Variants in IKBKE observed in about 807,000 individuals in gnomAD.
IKBKE encodes the protein inhibitor of nuclear factor kappa-B kinase subunit epsilon.
Under a neutral mutation model 92.1 loss-of-function variants are expected in IKBKE, and 45 were observed. The observed-to-expected ratio is 0.49, with a 90% confidence interval of 0.38 to 0.63. IKBKE has a LOEUF of 0.63. Ranked by LOEUF, IKBKE falls within the 20% of genes least tolerant of loss-of-function variation. The probability of loss-of-function intolerance (pLI) is 0.00; values close to 1 mark genes in which losing one functional copy is unlikely to be tolerated. For synonymous variants in IKBKE, 374 were observed against 380.3 expected, an observed-to-expected ratio of 0.98 and a Z score of 0.19; for missense variants, 700 against 932.8, an observed-to-expected ratio of 0.75 and a Z score of 3.25.
At chr1:206,475,695 C>A (rs1314494938) in intron 5 of IKBKE, among the ~76,000 whole-genome samples, 1 of 147,852 alleles carries the variant, frequency 6.8e-6, no homozygotes, top group African/African-American at 2.6e-5. Flanking sequence ...TGAGATTGCA[C>A]CACTGTACTC....
At position 206,478,319 on chromosome 1, in the gene IKBKE, CTA is replaced by C; in HGVS notation, c.976_977del (p.Ile326ProfsTer29). On this transcript the variant is annotated frameshift_variant, in exon 9 of 22. Coordinates refer to ENST00000581977, the MANE Select transcript of IKBKE (RefSeq NM_014002.4). LOFTEE classifies it high-confidence loss of function. This position sits in a 1 kb window ranked among gnomAD's most constrained non-coding sequence, Gnocchi z 4.8. ...TGTCCCAGGCAGTCCTGCACCACATCTATATCCATGCCCACAACACGTAAGTG... is the reference window on the plus strand; with the variant it reads ...TGTCCCAGGCAGTCCTGCACCACATCTATCCATGCCCACAACACGTAAGTG... Reference protein sequence around the residue: ...SLSQAVLHHIYIHAHNTIAIF... With the variant: ...SLSQAVLHHIXIHAHNTIAIF... 1 of 1,613,728 alleles carries C rather than the reference CTA, an allele frequency of 6.2e-7. No homozygotes were observed. The highest frequency in any genetic ancestry group is 8.5e-7 in the Non-Finnish European group (1 of 1,180,028).
At chr1:206,491,224 C>T in intron 17 of IKBKE, 1 of 391,402 alleles carries the variant, frequency 2.6e-6, no homozygotes, top group Non-Finnish European at 4.7e-6. Context: ...CCCGGACACA[C>T]TCACGTCCAG....
intron 18 of IKBKE, chr1:206,492,779 T>C: frequency 1.6e-6 from 1 of 624,852 alleles, no homozygotes; most frequent in Non-Finnish European, 3.1e-6. Flanking sequence ...GCCACATGCA[T>C]GTTGTTGGTG....
At chr1:206,483,129 C>T (rs1478721622) in intron 13 of IKBKE, among the ~76,000 whole-genome samples, 2 of 152,282 alleles carry the variant, frequency 1.3e-5, no homozygotes, top group African/African-American at 4.8e-5. Context: ...CCAGCCCCGC[C>T]ACCAGGCAAG....
rs41296036 is a variant in IKBKE, at chr1:206,476,953, C to T, written c.701+115C>T. ...CACACTCCATGGCCCTCCTCTGGTC[C>T]ACCCCCCAACCCAGGCTCTTTGTAG... On this transcript the variant is annotated intron_variant, in intron 7 of 21. Transcript: ENST00000581977. The surrounding 1 kb of genome is among the most constrained non-coding windows in gnomAD (Gnocchi z 5.1). 23,530 of 1,122,862 alleles carry T rather than the reference C, an allele frequency of 0.021. 415 individuals carry two copies. The highest frequency in any genetic ancestry group is 0.052 in the South Asian group (3,498 of 67,484). 69.6% of individuals were successfully genotyped at this position (1,122,862 alleles called of 1,614,324 possible).
At chr1:206,491,106 C>CTT in intron 17 of IKBKE, 2 of 543,214 alleles carry the variant, frequency 3.7e-6, no homozygotes, top group Non-Finnish European at 6.6e-6. Context: ...TGTTTGCAGG[C>CTT]TTTTTTTTTC....
At position 206,476,427 on chromosome 1, in the gene IKBKE, A is replaced by G; in HGVS notation, c.540+65A>G. ...GCTCCCCTTGCCTTGTGAGCCCCCC[A>G]GAGCCCCCATGAGGGGGTGTGGCCC... On this transcript the variant is annotated intron_variant, in intron 6 of 21. Transcript: ENST00000581977. This position sits in a 1 kb window ranked among gnomAD's most constrained non-coding sequence, Gnocchi z 5.1. 1 of 1,515,958 alleles carries G rather than the reference A, an allele frequency of 6.6e-7. No individual in the cohort carries two copies. The highest frequency in any genetic ancestry group is 9.0e-7 in the Non-Finnish European group (1 of 1,110,510). The allele number at this position is 1,515,958 out of a possible 1,614,324, so 93.9% of individuals were successfully genotyped here.
chr1:206,495,184 G>A (rs1035973112), intron 21 of IKBKE, among the ~76,000 whole-genome samples: 2 of 152,006 alleles, frequency 1.3e-5, no homozygotes, highest in African/African-American at 4.8e-5. Flanking sequence ...TCATTTTCCT[G>A]TCTGAGAACC....
chr1:206,484,276 C>T (rs564788229), intron 13 of IKBKE, among the ~76,000 whole-genome samples: 3 of 152,316 alleles, frequency 2.0e-5, no homozygotes, highest in Non-Finnish European at 4.4e-5. Context: ...CAGGCATGAA[C>T]CACTGTGCCA....
Position 206,487,912 on chromosome 1 carries a change from A to G in IKBKE, c.1617-2A>G, listed in dbSNP as rs2103477139. The G allele has an allele frequency of 6.2e-7, 1 of 1,613,018 alleles. No homozygotes were observed. The highest frequency in any genetic ancestry group is 1.1e-5 in the South Asian group (1 of 90,842). On this transcript the variant is annotated splice_acceptor_variant, in intron 15 of 21. Transcript: ENST00000581977. LOFTEE classifies it high-confidence loss of function. This position sits in a 1 kb window ranked among gnomAD's most constrained non-coding sequence, Gnocchi z 5.3. ...CACCTGGTCCCTGTCTCCTGCCCAC[A>G]GCATCCAGCAGATTCAGTGCTGTTT... is the stretch of plus-strand genomic sequence containing the variant.
Position 206,476,773 on chromosome 1 carries a change from C to A in IKBKE, c.636C>A (p.Tyr212Ter), listed in dbSNP as rs2103456046. 6.2e-7 allele frequency: 1 copy of A among 1,614,228 alleles called. No homozygotes were observed. Among genetic ancestry groups the A allele is most frequent in the Middle Eastern group, 1.6e-4 (1 of 6,062 alleles). ...VDLWSIGVTLYHAATGSLPFI... is the reference protein window; with the variant it reads ...VDLWSIGVTL Reference sequence around the variant, plus strand: ...TCTGGAGCATTGGAGTGACCTTGTACCATGCAGCCACTGGCAGCCTGCCCT... The same window carrying A: ...TCTGGAGCATTGGAGTGACCTTGTAACATGCAGCCACTGGCAGCCTGCCCT... The change falls in exon 7 of 22, where the codon TAC (tyrosine) becomes TAA (stop). Residue 212 changes from tyrosine (Y) to a stop codon, truncating the protein, a stop_gained. Transcript: ENST00000581977. LOFTEE classifies it high-confidence loss of function. The surrounding 1 kb of genome is among the most constrained non-coding windows in gnomAD (Gnocchi z 5.1).
rs573225464 is a variant in IKBKE at position 206,471,140 on chromosome 1, C to T, written c.-122-16C>T. ...CTGAGGGGCGCCTCTCATCCGCCCT[C>T]CTCTTTCCGGTGTAGCTCAGCTCCT... On this transcript the variant is annotated splice_polypyrimidine_tract_variant and intron_variant, in intron 1 of 21. Coordinates refer to ENST00000581977, the MANE Select transcript of IKBKE (RefSeq NM_014002.4). 4.6e-5 allele frequency: 7 copies of T among 152,482 alleles called. No homozygotes were observed. In the East Asian group the frequency reaches 5.8e-4, roughly 13 times the overall value. The allele number at this position is 152,482 out of a possible 1,614,324, so 9.4% of individuals were successfully genotyped here. A position where few individuals can be genotyped will look rare whatever the true frequency, so the allele number is the denominator to read the frequency against.
intron 18 of IKBKE, chr1:206,492,310 GCCTGTGTGAACACTGGCC>G: frequency 2.5e-6 from 1 of 395,578 alleles, no homozygotes. Context: ...TCCATCCCCT[GCCTGTGTGAACACTGGCC>G]CCTCCTGAGA....
chr1:206,481,771 T>G (rs1665408012), intron 13 of IKBKE, among the ~76,000 whole-genome samples: 1 of 69,440 alleles, frequency 1.4e-5, no homozygotes, highest in Non-Finnish European at 2.8e-5. Flanking sequence ...TGAGGCTTTT[T>G]TTTTTTTTTT....
chr1:206,472,611 A>T (rs1553384101), intron 2 of IKBKE, among the ~76,000 whole-genome samples: 1 of 149,368 alleles, frequency 6.7e-6, no homozygotes, highest in African/African-American at 2.5e-5. Context: ...ACACACACAC[A>T]CTCTGAAGCA....
chr1:206,486,348 C>T (rs890844711), intron 15 of IKBKE, among the ~76,000 whole-genome samples: 1 of 152,048 alleles, frequency 6.6e-6, no homozygotes, highest in Non-Finnish European at 1.5e-5. Context: ...GGCTGCAGAT[C>T]TGAGGCCCTG....
chr1:206,477,512 G>C (rs1185153350), intron 7 of IKBKE, among the ~76,000 whole-genome samples: 2 of 151,884 alleles, frequency 1.3e-5, no homozygotes, highest in Admixed American at 6.5e-5. Context: ...AGTGTAGCGG[G>C]GGGAGAGGCA....
intron 12 of IKBKE, 58 bp from the exon 13 acceptor site, chr1:206,480,389 A>G: frequency 7.2e-7 from 1 of 1,387,926 alleles, no homozygotes; most frequent in South Asian, 1.2e-5. Context: ...TGCTGTCTGC[A>G]TGCACGGTGC....
rs373547348 is a variant in IKBKE, at chr1:206,472,776, AC to A, written c.-32-417del. 678 of 219,102 alleles carry A rather than the reference AC, an allele frequency of 3.1e-3. 3 individuals carry two copies. The highest frequency in any genetic ancestry group is 0.015 in the African/African-American group (636 of 41,858). 13.6% of individuals were successfully genotyped at this position (219,102 alleles called of 1,614,324 possible). ...GTGGTGGTGTGGGAGATGCTCCCTG[AC>A]CCTGGGCCCTTCCTCCTATACTGTT... On this transcript the variant is annotated intron_variant, in intron 2 of 21. Transcript: ENST00000581977.
Sources: allele counts gnomAD v4.1 joint callset (sites outside exome capture counted in the v4.1 genomes callset), GRCh38; gene constraint gnomAD v4.1.1; non-coding constraint Gnocchi (gnomAD v3.1); transcripts MANE v1.5; gene names NCBI Gene and HGNC (gene_info 2026-07-23, HGNC 2026-07-21).